The following SYTL4 variants were observed in gnomAD, a reference collection of about 807,000 sequenced individuals.
The protein encoded by SYTL4 is synaptotagmin like 4.
A neutral mutation model predicts 52.7 loss-of-function variants in SYTL4; 16 were observed. The observed-to-expected ratio is 0.30, with a 90% CI of 0.21 to 0.46. The LOEUF (loss-of-function observed/expected upper bound fraction) is 0.46, where lower values mean the gene tolerates loss of function less well. Ranked by LOEUF, SYTL4 falls within the 20% of genes least tolerant of loss-of-function variation. SYTL4 has a pLI of 1.00. For missense variants in SYTL4, 423 were observed against 519.9 expected, an observed-to-expected ratio of 0.81 and a Z score of 1.81; for synonymous variants, 160 against 186.6, an observed-to-expected ratio of 0.86 and a Z score of 1.16.
chrX:100,703,735 G>A lies in SYTL4; in HGVS notation c.-163-550C>T, dbSNP rs376655100. Among the ~76,000 whole-genome samples the A allele has an allele frequency of 3.6e-5, 4 of 112,187 alleles. No homozygotes were observed. In the East Asian group the frequency reaches 8.4e-4, roughly 23 times the overall value. On this transcript the variant is annotated intron_variant, in intron 3 of 19. Coordinates refer to ENST00000372989, the MANE Select transcript of SYTL4 (RefSeq NM_001370165.1). ...TAGGAATCATTAAACAAAATAATAT[G>A]TCCCCATAATGGAACATTATGTCGC...
At chrX:100,725,571 T>G (rs1000713770) in intron 2 of SYTL4, among the ~76,000 whole-genome samples, 3 of 112,459 alleles carry the variant, frequency 2.7e-5, no homozygotes, top group Non-Finnish European at 3.8e-5. Context: ...ACAATCTGAT[T>G]TCTAAGAAAA....
chrX:100,691,373 T>G (rs1272527328), intron 8 of SYTL4, among the ~76,000 whole-genome samples, 164 bp from the exon 9 acceptor site: 1 of 112,068 alleles, frequency 8.9e-6, no homozygotes, highest in Non-Finnish European at 1.9e-5. Context: ...AAATAAGGTC[T>G]CGCAATGTTG....
chrX:100,729,511 C>T (rs2084595059), intron 2 of SYTL4, among the ~76,000 whole-genome samples: 1 of 111,172 alleles, frequency 9.0e-6, no homozygotes, highest in Non-Finnish European at 1.9e-5. Context: ...TTTCAAGTGC[C>T]TCAGGAAGGT....
chrX:100,697,882 C>T (rs4497115), intron 8 of SYTL4, among the ~76,000 whole-genome samples: 28,689 of 109,833 alleles, frequency 0.26, 3,422 homozygotes, highest in East Asian at 0.53. Context: ...ATTCCATTCG[C>T]TAGTAAAAGA....
chrX:100,731,764 G>A (rs1215450028), intron 1 of SYTL4, among the ~76,000 whole-genome samples: 1 of 112,066 alleles, frequency 8.9e-6, no homozygotes, highest in Non-Finnish European at 1.9e-5. Context: ...AAAAGTGGCC[G>A]GGAGGGACCG....
Position 100,681,266 on chromosome X carries a change from G to A in SYTL4, c.1519C>T (p.Pro507Ser). 1 of 1,211,141 alleles carries A rather than the reference G, an allele frequency of 8.3e-7. No individual in the cohort carries two copies. Among genetic ancestry groups the A allele is most frequent in the Non-Finnish European group, 1.1e-6 (1 of 895,172 alleles). Residue 507 changes from proline (P) to serine (S), a missense_variant, in exon 17 of 20, where the codon CCA becomes TCA. Coordinates refer to ENST00000372989, the MANE Select transcript of SYTL4 (RefSeq NM_001370165.1). ...GELVVSLKYI[P>S]ASKTPVGGDR... ...CCTCCAACAGGGGTTTTGGAGGCTG[G>A]GATGTATTTCAATGAAACCACCAAC...
intron 16 of SYTL4, among the ~76,000 whole-genome samples, chrX:100,683,707 T>C (rs1442838794): frequency 2.7e-5 from 3 of 112,555 alleles, no homozygotes; most frequent in Non-Finnish European, 5.6e-5. Context: ...ATGGTCTTTC[T>C]GTTGTTTATA....
intron 2 of SYTL4, among the ~76,000 whole-genome samples, chrX:100,724,679 C>G (rs1239144310): frequency 3.0e-5 from 3 of 101,484 alleles, no homozygotes; most frequent in South Asian, 5.0e-4. Context: ...GCAGCATGCT[C>G]GTTAAGAGTC....
At chrX:100,706,183 C>T (rs749419298) in intron 2 of SYTL4, among the ~76,000 whole-genome samples, 2 of 112,149 alleles carry the variant, frequency 1.8e-5, no homozygotes, top group Non-Finnish European at 3.8e-5. Context: ...CTCAGCTGAA[C>T]CCTCATTGTC....
At chrX:100,698,006 T>C (rs2083738631) in intron 8 of SYTL4, among the ~76,000 whole-genome samples, 1 of 111,903 alleles carries the variant, frequency 8.9e-6, no homozygotes, top group African/African-American at 3.3e-5. Context: ...TTTCCAGCAA[T>C]GAAGAAAGAA....
chrX:100,702,921 A>T (rs1362211247), intron 4 of SYTL4, among the ~76,000 whole-genome samples, 172 bp downstream of exon 4: 6 of 112,427 alleles, frequency 5.3e-5, no homozygotes, highest in Non-Finnish European at 1.1e-4. Flanking sequence ...AGAGAGAGGA[A>T]AGAGAGCAGT....
At chrX:100,683,798 G>A (rs2083426372) in intron 16 of SYTL4, among the ~76,000 whole-genome samples, 3 of 111,956 alleles carry the variant, frequency 2.7e-5, no homozygotes, top group African/African-American at 9.8e-5. Flanking sequence ...CTTAAAAATT[G>A]GAGTTTAGCA....
rs2083857840 is a variant in SYTL4 at position 100,701,756 on chromosome X, A to G, written c.111-83T>C. ...AGAGGGGTTGAGAGGTAAAGACAGT[A>G]AGACTATTTGGTTCTGTGGAAGCAA... On this transcript the variant is annotated intron_variant, in intron 5 of 19. Transcript: ENST00000372989. 27 of 998,810 alleles carry G rather than the reference A, an allele frequency of 2.7e-5. No homozygotes were observed. In the South Asian group the frequency reaches 5.6e-4, roughly 21 times the overall value. 82.3% of individuals were successfully genotyped at this position (998,810 alleles called of 1,213,427 possible). A position where few individuals can be genotyped will look rare whatever the true frequency, so the allele number is the denominator to read the frequency against.
chrX:100,694,531 C>T (rs192556777), intron 8 of SYTL4, among the ~76,000 whole-genome samples: 6 of 111,944 alleles, frequency 5.4e-5, no homozygotes, highest in Admixed American at 3.8e-4. Context: ...CTATCCTAAA[C>T]AGTATATGTA....
At chrX:100,723,509 G>A (rs1443775642) in intron 2 of SYTL4, among the ~76,000 whole-genome samples, 1 of 112,199 alleles carries the variant, frequency 8.9e-6, no homozygotes, top group Non-Finnish European at 1.9e-5. Flanking sequence ...GCCTCCCAAA[G>A]TGCCGAGATT....
intron 15 of SYTL4, 174 bp downstream of exon 15, chrX:100,686,505 T>C (rs1427292637): frequency 9.8e-6 from 4 of 408,053 alleles, no homozygotes; most frequent in Non-Finnish European, 1.7e-5. Flanking sequence ...GAAAGGCAGA[T>C]CACCTTTGTT....
At chrX:100,727,968 T>C (rs933262123) in intron 2 of SYTL4, among the ~76,000 whole-genome samples, 3 of 111,355 alleles carry the variant, frequency 2.7e-5, no homozygotes, top group Non-Finnish European at 5.7e-5. Context: ...AAATAGGTCA[T>C]TGGATATATG....
At position 100,690,080 on chromosome X, in the gene SYTL4, G is replaced by A. The variant is rs1372829389; in HGVS notation, c.803C>T (p.Pro268Leu). The change falls in exon 11 of 20, where the codon CCT (proline) becomes CTT (leucine). Residue 268 changes from proline (P) to leucine (L), a missense_variant. Transcript: ENST00000372989. ...CAGTAAGGGAAACCAGTTACCTGAA[G>A]GCCTGAGGATTTTTCTGGTGTTCTT... ...FKKNTRKILRPSEYTKSVIDL... is the reference protein window; with the variant it reads ...FKKNTRKILRLSEYTKSVIDL... 8.3e-7 allele frequency: 1 copy of A among 1,208,384 alleles called. No homozygotes were observed.
At chrX:100,698,483 C>T (rs1299752005) in intron 8 of SYTL4, among the ~76,000 whole-genome samples, 1 of 111,821 alleles carries the variant, frequency 8.9e-6, no homozygotes, top group African/African-American at 3.3e-5. Flanking sequence ...TTCTCTTTCT[C>T]TCTCTCTCTC....
Sources: allele counts gnomAD v4.1 joint callset (sites outside exome capture counted in the v4.1 genomes callset), GRCh38; gene constraint gnomAD v4.1.1; transcripts MANE v1.5; gene names NCBI Gene and HGNC (gene_info 2026-07-23, HGNC 2026-07-21).